Variants in SYT9 observed in about 807,000 individuals in gnomAD.
SYT9 encodes the protein synaptotagmin-9.
SYT9 carries 22 observed loss-of-function variants against 48.4 expected under a neutral mutation model. The observed-to-expected ratio is 0.45, with a 90% CI of 0.32 to 0.65. The LOEUF is 0.65. SYT9 is among the 30% of genes least tolerant of loss of function. The pLI is 0.03. For synonymous variants in SYT9, 265 were observed against 245.0 expected (o/e 1.08, Z -0.76); for missense variants, 577 against 622.0 (o/e 0.93, Z 0.77).
chr11:7,248,656 C>T (rs1252589923), upstream of SYT9, among the ~76,000 whole-genome samples: 2 of 152,044 alleles, frequency 1.3e-5, no homozygotes, highest in Non-Finnish European at 2.9e-5. Flanking sequence ...AGGAAGACTG[C>T]AAAACACTGC....
Position 7,336,151 on chromosome 11 carries a change from T to A in SYT9, c.1044+22210T>A, listed in dbSNP as rs1383651898. On this transcript the variant is annotated intron_variant, in intron 3 of 6. Coordinates refer to ENST00000318881, the MANE Select transcript of SYT9 (RefSeq NM_175733.4). ...TCACGTATCTGTCTTCAGAAAAATG[T>A]CTATTCATGTCCCTTGCCCACTTTT... is the stretch of plus-strand genomic sequence containing the variant. Among the ~76,000 whole-genome samples the A allele has an allele frequency of 2.0e-5, 3 of 152,264 alleles. No homozygotes were observed. In the East Asian group the frequency reaches 5.8e-4, roughly 29 times the overall value.
chr11:7,249,277 G>A (rs1183102470), upstream of SYT9, among the ~76,000 whole-genome samples: 1 of 152,176 alleles, frequency 6.6e-6, no homozygotes, highest in Non-Finnish European at 1.5e-5. Flanking sequence ...AAGATATCCT[G>A]TAAAAGTTGC....
intron 6 of SYT9, among the ~76,000 whole-genome samples, chr11:7,442,013 C>A (rs1158566052): frequency 6.6e-6 from 1 of 152,110 alleles, no homozygotes; most frequent in South Asian, 2.1e-4. Context: ...TGGGAGCAAA[C>A]CATTTTGTAG....
chr11:7,318,502 C>T (rs1052378275), intron 3 of SYT9, among the ~76,000 whole-genome samples: 6 of 152,024 alleles, frequency 3.9e-5, no homozygotes, highest in Non-Finnish European at 8.8e-5. Context: ...TTAGTGGAGA[C>T]GGGGTTTCAC....
At chr11:7,391,674 T>C (rs1846612736) in intron 3 of SYT9, among the ~76,000 whole-genome samples, 3 of 137,668 alleles carry the variant, frequency 2.2e-5, no homozygotes, top group South Asian at 2.3e-4. Context: ...GCCAAGGTAG[T>C]CAGGTGACTT....
At chr11:7,266,096 A>T (rs1464243644) in intron 1 of SYT9, among the ~76,000 whole-genome samples, 1 of 152,002 alleles carries the variant, frequency 6.6e-6, no homozygotes, top group African/African-American at 2.4e-5. Flanking sequence ...TTCCATTCTT[A>T]TTTTTTTAGA....
At chr11:7,412,416 C>T (rs537967945) in intron 3 of SYT9, among the ~76,000 whole-genome samples, 15 of 152,240 alleles carry the variant, frequency 9.9e-5, no homozygotes, top group African/African-American at 3.6e-4. Flanking sequence ...CAAGCAATAG[C>T]GTAGTTTCTG....
chr11:7,458,728 G>A (rs1848193941), intron 6 of SYT9, among the ~76,000 whole-genome samples: 1 of 152,176 alleles, frequency 6.6e-6, no homozygotes, highest in Non-Finnish European at 1.5e-5. Context: ...GGATAGTGAG[G>A]AGAGTAATGT....
rs963079539 is a variant in SYT9 at position 7,252,543 on chromosome 11, C to T, written c.145+212C>T. ...GTGGCTACTGCACGGAGGCCGACTCCGGGTCGGCTAGGGCAGGGTTGGAGG... is the reference window on the plus strand; with the variant it reads ...GTGGCTACTGCACGGAGGCCGACTCTGGGTCGGCTAGGGCAGGGTTGGAGG... On this transcript the variant is annotated intron_variant, in intron 1 of 6. Coordinates refer to ENST00000318881, the MANE Select transcript of SYT9 (RefSeq NM_175733.4). This position sits in a 1 kb window ranked among gnomAD's most constrained non-coding sequence, Gnocchi z 6.3. 1.3e-5 allele frequency among the ~76,000 whole-genome samples: 2 copies of T among 152,256 alleles called. 1 individual carries two copies. The highest frequency in any genetic ancestry group is 6.8e-3 in the Middle Eastern group (2 of 294).
chr11:7,296,545 C>CTCCTCCTTCCTCTCCTCTTCT (rs1461428853), intron 1 of SYT9, among the ~76,000 whole-genome samples: 1 of 152,158 alleles, frequency 6.6e-6, no homozygotes, highest in African/African-American at 2.4e-5. Context: ...TCAACAATTT[C>CTCCTCCTTCCTCTCCTCTTCT]TCCTCCTTCC....
upstream of SYT9, among the ~76,000 whole-genome samples, chr11:7,250,410 A>G (rs957060042): frequency 1.3e-5 from 2 of 151,576 alleles, no homozygotes; most frequent in Admixed American, 6.6e-5. Flanking sequence ...ATGTGCTTCA[A>G]CACACATACC....
intron 6 of SYT9, among the ~76,000 whole-genome samples, chr11:7,455,508 AT>A (rs111963518): frequency 1.8e-3 from 265 of 144,988 alleles, no homozygotes; most frequent in Non-Finnish European, 2.9e-3. Flanking sequence ...TAATTTTTGT[AT>A]TTTTTTTTTT....
intron 6 of SYT9, among the ~76,000 whole-genome samples, chr11:7,433,416 T>G (rs564096061): frequency 2.0e-5 from 3 of 152,216 alleles, no homozygotes; most frequent in Non-Finnish European, 2.9e-5. Context: ...CATTCTGAAT[T>G]TTTCTTCCTG....
At chr11:7,294,130 A>G (rs1036270992) in intron 1 of SYT9, among the ~76,000 whole-genome samples, 3 of 152,192 alleles carry the variant, frequency 2.0e-5, no homozygotes, top group African/African-American at 4.8e-5. Flanking sequence ...AGTCTCTTTT[A>G]TAAGGATGCT....
chr11:7,271,417 G>A (rs183035705), intron 1 of SYT9, among the ~76,000 whole-genome samples: 4 of 152,242 alleles, frequency 2.6e-5, no homozygotes, highest in East Asian at 1.9e-4. Context: ...TGTAGCAAGA[G>A]CAATCCATTG....
At chr11:7,395,198 T>C (rs1474200848) in intron 3 of SYT9, among the ~76,000 whole-genome samples, 8 of 152,052 alleles carry the variant, frequency 5.3e-5, no homozygotes, top group Non-Finnish European at 1.0e-4. Context: ...TATTCCACTG[T>C]GGTCTGAAAA....
chr11:7,376,558 G>A (rs1850458834), intron 3 of SYT9, among the ~76,000 whole-genome samples: 1 of 152,028 alleles, frequency 6.6e-6, no homozygotes, highest in African/African-American at 2.4e-5. Flanking sequence ...GGGCTACTCT[G>A]GTGCCCTAGT....
intron 1 of SYT9, among the ~76,000 whole-genome samples, chr11:7,242,494 T>C (rs1847749848): frequency 6.6e-6 from 1 of 152,202 alleles, no homozygotes; most frequent in African/African-American, 2.4e-5. Context: ...GTTATAGAGA[T>C]TATATGAGCT....
chr11:7,249,110 T>G (rs559547261), upstream of SYT9, among the ~76,000 whole-genome samples: 3 of 152,272 alleles, frequency 2.0e-5, no homozygotes, highest in African/African-American at 7.2e-5. Flanking sequence ...ATGACCTCAT[T>G]TACTCTTAAT....
Sources: gnomAD v4.1 joint callset for allele counts (sites outside exome capture counted in the v4.1 genomes callset) on GRCh38, gnomAD v4.1.1 for gene constraint, Gnocchi (gnomAD v3.1) non-coding constraint, MANE v1.5 for transcripts, NCBI Gene and HGNC (gene_info 2026-07-23, HGNC 2026-07-21) for gene names.